The following ARHGEF1 variants were observed in gnomAD, a reference collection of about 807,000 sequenced individuals.
The protein encoded by ARHGEF1 is 115 kDa guanine nucleotide exchange factor.
A neutral mutation model predicts 119.7 loss-of-function variants in ARHGEF1; 40 were observed. The observed-to-expected ratio is 0.33, with a 90% CI of 0.26 to 0.44. The LOEUF is 0.44. Among genes scored for constraint, ARHGEF1 ranks in the 20% least tolerant of loss-of-function variants. The pLI is 1.00. For missense variants in ARHGEF1, 976 were observed against 1,268.3 expected (o/e 0.77, Z 3.50); for synonymous variants, 494 against 521.0 (o/e 0.95, Z 0.71).
In ARHGEF1 at chr19:41,905,540, T is replaced by C. The variant is rs543695489; in HGVS notation, c.2337-220T>C. On this transcript the variant is annotated intron_variant, in intron 24 of 28. Coordinates refer to ENST00000354532, the MANE Select transcript of ARHGEF1 (RefSeq NM_004706.4). The surrounding 1 kb of genome is among the most constrained non-coding windows in gnomAD (Gnocchi z 6.4). ...CAGCATGTGCATGCATGTGTGTGTG[T>C]GTGCGCATGTGCCGACCCCACCACT... 1.9e-5 allele frequency: 12 copies of C among 615,434 alleles called. No homozygotes were observed. In the East Asian group the frequency reaches 3.3e-4, roughly 17 times the overall value. 38.1% of individuals were successfully genotyped at this position (615,434 alleles called of 1,614,324 possible).
chr19:41,910,953 C>T (rs1568829836), downstream of ARHGEF1, among the ~76,000 whole-genome samples: 1 of 152,166 alleles, frequency 6.6e-6, no homozygotes, highest in Non-Finnish European at 1.5e-5. The surrounding 1 kb of genome is among the most constrained non-coding windows in gnomAD (Gnocchi z 4.4). Flanking sequence ...CATCTCAAGA[C>T]TGGGACTTAC....
downstream of ARHGEF1, chr19:41,908,244 C>T: frequency 1.6e-6 from 2 of 1,231,732 alleles, no homozygotes; most frequent in Non-Finnish European, 2.0e-6. This position sits in a 1 kb window ranked among gnomAD's most constrained non-coding sequence, Gnocchi z 6.7. Context: ...GCCGGTCCCC[C>T]CTTTGCCCGC....
chr19:41,908,971 C>A (rs540150464), downstream of ARHGEF1: 26 of 847,112 alleles, frequency 3.1e-5, no homozygotes, highest in African/African-American at 5.3e-5. The surrounding 1 kb of genome is among the most constrained non-coding windows in gnomAD (Gnocchi z 6.7). Flanking sequence ...CCTTCCCCAT[C>A]TCTTCTCTTG....
rs553912809 is a variant in ARHGEF1 at position 41,903,239 on chromosome 19, C to T, written c.1739-68C>T. The stretch of plus-strand genomic sequence containing the variant: ...GCCCGGCCAGCTGTCCTTTGTCTAA[C>T]CTTGGCTGCCCAATCTGGAGCCTCC... On this transcript the variant is annotated intron_variant, in intron 18 of 28. Coordinates refer to ENST00000354532, the MANE Select transcript of ARHGEF1 (RefSeq NM_004706.4). This position sits in a 1 kb window ranked among gnomAD's most constrained non-coding sequence, Gnocchi z 4.2. The T allele has an allele frequency of 1.7e-4, 255 of 1,459,136 alleles. No individual in the cohort carries two copies. The highest frequency in any genetic ancestry group is 2.4e-4 in the Non-Finnish European group (250 of 1,045,712). The allele number at this position is 1,459,136 out of a possible 1,614,324, so 90.4% of individuals were successfully genotyped here.
At position 41,894,271 on chromosome 19, in the gene ARHGEF1, G is replaced by A. The variant is rs1294514387; in HGVS notation, c.709G>A (p.Asp237Asn). ...CCTTGGGGTGCGGACCAAGAGTGGA[G>A]ACAAGAAGTCGGGGAGGAACTTCTT... ...RHLGVRTKSGDKKSGRNFFRK... is the reference protein window; with the variant it reads ...RHLGVRTKSGNKKSGRNFFRK... The change falls in exon 9 of 29, where the codon GAC becomes AAC. Residue 237 changes from aspartate (D) to asparagine (N), a missense_variant. By Grantham distance (23) the Asp-to-Asn change is conservative (BLOSUM62 1). Transcript: ENST00000354532. 6 of 1,572,342 alleles carry A rather than the reference G, an allele frequency of 3.8e-6. No homozygotes were observed. Among genetic ancestry groups the A allele is most frequent in the Non-Finnish European group, 5.2e-6 (6 of 1,154,426 alleles).
chr19:41,907,539 C>A, downstream of ARHGEF1: 1 of 758,878 alleles, frequency 1.3e-6, no homozygotes, highest in Non-Finnish European at 2.0e-6. Flanking sequence ...TGGGTCTGTG[C>A]CTCTGCGCCT....
downstream of ARHGEF1, among the ~76,000 whole-genome samples, chr19:41,910,461 C>G (rs1555851146): frequency 6.6e-6 from 1 of 152,070 alleles, no homozygotes; most frequent in East Asian, 1.9e-4. The surrounding 1 kb of genome is among the most constrained non-coding windows in gnomAD (Gnocchi z 4.4). Flanking sequence ...CCTCTCACTG[C>G]CCCCAGCCAG....
chr19:41,926,734 G>C (rs906025501), intron 1 of ARHGEF1, among the ~76,000 whole-genome samples: 9 of 152,266 alleles, frequency 5.9e-5, no homozygotes, highest in Non-Finnish European at 8.8e-5. Context: ...CGGGCGGGGG[G>C]GCCGTTTAGC....
In ARHGEF1 at chr19:41,902,252, C is replaced by T. The variant is rs782531002; in HGVS notation, c.1415-22C>T. The T allele has an allele frequency of 6.2e-7, 1 of 1,613,676 alleles. No homozygotes were observed. Among genetic ancestry groups the T allele is most frequent in the Non-Finnish European group, 8.5e-7 (1 of 1,179,698 alleles). ...CATCTTCCAGACCCTGGTGGAGCAT[C>T]CCTTTCCTCCTGCCCCCACAGCCCT... On this transcript the variant is annotated intron_variant, in intron 15 of 28. Transcript: ENST00000354532. This position sits in a 1 kb window ranked among gnomAD's most constrained non-coding sequence, Gnocchi z 6.5.
rs1555849991 is a variant in ARHGEF1, at chr19:41,905,696, C to T, written c.2337-64C>T. On this transcript the variant is annotated intron_variant, in intron 24 of 28. Transcript: ENST00000354532. The surrounding 1 kb of genome is among the most constrained non-coding windows in gnomAD (Gnocchi z 6.4). ...TGCCTCCCCACCTCCAGCTCTCTGT[C>T]TCCCTGCCCCTGCGGCCCCCCAGGG... 16 of 1,563,706 alleles carry T rather than the reference C, an allele frequency of 1.0e-5. No homozygotes were observed. Among genetic ancestry groups the T allele is most frequent in the East Asian group, 4.5e-5 (2 of 44,570 alleles).
Position 41,892,640 on chromosome 19 carries a change from G to C in ARHGEF1, c.405G>C (p.Gln135His), listed in dbSNP as rs373367437. 6.2e-7 allele frequency: 1 copy of C among 1,612,028 alleles called. No homozygotes were observed. Among genetic ancestry groups the C allele is most frequent in the South Asian group, 1.1e-5 (1 of 90,900 alleles). The change falls in exon 7 of 29, where the codon CAG becomes CAC. Residue 135 changes from glutamine (Q) to histidine (H), a missense_variant. Gln to His is a conservative substitution (Grantham distance 24, BLOSUM62 0). Around this residue, in one of 3 missense-constraint regions of ARHGEF1, gnomAD observed 519 missense variants for 580.9 expected, o/e 0.89. Coordinates refer to ENST00000354532, the MANE Select transcript of ARHGEF1 (RefSeq NM_004706.4). The surrounding 1 kb of genome is among the most constrained non-coding windows in gnomAD (Gnocchi z 6.3). ...CTGACCTCATCTCCGAGGATGTCCA[G>C]CGGCGGTTCGTGCAGGAGGTGGTGC... is the stretch of plus-strand genomic sequence containing the variant. ...TRADLISEDV[Q>H]RRFVQEVVQS...
chr19:41,906,125 G>C lies in ARHGEF1; in HGVS notation c.2491+100G>C, dbSNP rs2074691169. On this transcript the variant is annotated intron_variant, in intron 26 of 28. Transcript: ENST00000354532. This position sits in a 1 kb window ranked among gnomAD's most constrained non-coding sequence, Gnocchi z 4.5. ...CACGTCAAAAATTTCCTTACGCCCA[G>C]CTGCCAGAAAACAAATGCTCCAAAC... 1 of 1,215,232 alleles carries C rather than the reference G, an allele frequency of 8.2e-7. No individual in the cohort carries two copies. The highest frequency in any genetic ancestry group is 1.3e-5 in the South Asian group (1 of 77,952). The allele number at this position is 1,215,232 out of a possible 1,614,324, so 75.3% of individuals were successfully genotyped here. A position where few individuals can be genotyped will look rare whatever the true frequency, so the allele number is the denominator to read the frequency against.
At chr19:41,908,931 A>C, downstream of ARHGEF1, 3 of 545,924 alleles carry the variant, frequency 5.5e-6, no homozygotes, top group Non-Finnish European at 8.3e-6. The surrounding 1 kb of genome is among the most constrained non-coding windows in gnomAD (Gnocchi z 6.7). Context: ...GGTTTTACAC[A>C]CACACACCCT....
Position 41,902,929 on chromosome 19 carries a change from C to A in ARHGEF1, c.1738+31C>A. The A allele has an allele frequency of 6.6e-7, 1 of 1,511,922 alleles. No individual in the cohort carries two copies. The highest frequency in any genetic ancestry group is 8.9e-7 in the Non-Finnish European group (1 of 1,117,464). 93.7% of individuals were successfully genotyped at this position (1,511,922 alleles called of 1,614,324 possible). On this transcript the variant is annotated intron_variant, in intron 18 of 28. Coordinates refer to ENST00000354532, the MANE Select transcript of ARHGEF1 (RefSeq NM_004706.4). This position sits in a 1 kb window ranked among gnomAD's most constrained non-coding sequence, Gnocchi z 6.5. ...GCGGGCCTGGATCTCTGGGCCTCGG[C>A]TCTCCTCTTTTTTTTTTACATTTTT...
intron 18 of ARHGEF1, among the ~76,000 whole-genome samples, chr19:41,913,122 C>T (rs942322116): frequency 2.0e-5 from 3 of 152,064 alleles, no homozygotes; most frequent in Non-Finnish European, 2.9e-5. Context: ...TTCCCGGCCC[C>T]GAGACCCCGT....
rs781803561 is a variant in ARHGEF1, at chr19:41,892,783, G to A, written c.548G>A (p.Arg183Gln). ...AQLEAWVGRD[R>Q]ASYEARERHV... ...CTGGAGGCTTGGGTTGGGCGGGACC[G>A]AGCCAGCTACGAGGCCCGGGAGCGG... The change falls in exon 7 of 29, where the codon CGA becomes CAA. Residue 183 changes from arginine to glutamine, a missense_variant. Around this residue, in one of 3 missense-constraint regions of ARHGEF1, gnomAD observed 519 missense variants for 580.9 expected, o/e 0.89. Transcript: ENST00000354532. The surrounding 1 kb of genome is among the most constrained non-coding windows in gnomAD (Gnocchi z 6.3). The A allele has an allele frequency of 1.6e-5, 25 of 1,601,376 alleles. No homozygotes were observed. Among genetic ancestry groups the A allele is most frequent in the Admixed American group, 8.4e-5 (5 of 59,706 alleles).
upstream of ARHGEF1, among the ~76,000 whole-genome samples, chr19:41,920,122 C>T (rs1442120743): frequency 1.3e-4 from 15 of 114,928 alleles, no homozygotes; most frequent in Admixed American, 8.5e-4. Flanking sequence ...ACATGACACG[C>T]TCACACATGC....
chr19:41,904,110 G>A lies in ARHGEF1; in HGVS notation c.1993G>A (p.Glu665Lys), dbSNP rs1555849611. The A allele has an allele frequency of 1.2e-6, 2 of 1,614,108 alleles. No homozygotes were observed. The highest frequency in any genetic ancestry group is 1.7e-6 in the Non-Finnish European group (2 of 1,180,052). The stretch of plus-strand genomic sequence containing the variant: ...GCGGGTGACTAAGGACAAGGCAGTG[G>A]GTGAGTGCCAGAGCAGCTGCCTAGT... ...TWRVTKDKAV[E>K]VHVLLLDDLL... The change falls in exon 21 of 29, where the codon GAG becomes AAG. Residue 665 changes from glutamate to lysine, a missense_variant and splice_region_variant. Around this residue, in one of 3 missense-constraint regions of ARHGEF1, gnomAD observed 286 missense variants for 506.8 expected, o/e 0.56. Coordinates refer to ENST00000354532, the MANE Select transcript of ARHGEF1 (RefSeq NM_004706.4). This position sits in a 1 kb window ranked among gnomAD's most constrained non-coding sequence, Gnocchi z 8.4.
upstream of ARHGEF1, among the ~76,000 whole-genome samples, chr19:41,919,473 G>T (rs915975942): frequency 6.6e-6 from 1 of 151,600 alleles, no homozygotes; most frequent in African/African-American, 2.4e-5. Context: ...GGTACATTCA[G>T]CTCCTACAAA....
Sources: allele counts gnomAD v4.1 joint callset (sites outside exome capture counted in the v4.1 genomes callset), GRCh38; gene constraint gnomAD v4.1.1; regional missense constraint gnomAD v4.1.1; non-coding constraint Gnocchi (gnomAD v3.1); transcripts MANE v1.5; gene names NCBI Gene and HGNC (gene_info 2026-07-23, HGNC 2026-07-21).